PRELID2: variants seen among roughly 807,000 people sequenced by gnomAD.
The protein encoded by PRELID2 is PRELI domain-containing protein 2.
PRELID2 carries 25 observed loss-of-function variants against 28.4 expected under a neutral mutation model. The ratio of observed to expected loss-of-function variants is 0.88; its 90% CI spans 0.64 to 1.23. The LOEUF is 1.23. Ranked by LOEUF, PRELID2 falls within the 50% of genes most tolerant of loss-of-function variation. PRELID2 has a pLI of 0.00. For missense variants in PRELID2, 201 were observed against 214.4 expected, an observed-to-expected ratio of 0.94 and a Z score of 0.39; for synonymous variants, 76 against 71.6, an observed-to-expected ratio of 1.06 and a Z score of -0.31.
intron 1 of PRELID2, among the ~76,000 whole-genome samples, chr5:145,726,906 T>A (rs1756183614): frequency 6.6e-6 from 1 of 152,164 alleles, no homozygotes; most frequent in Non-Finnish European, 1.5e-5. Flanking sequence ...AATTATAACA[T>A]TTCATTGTGG....
chr5:145,813,808 A>G (rs963649180), intron 4 of PRELID2, among the ~76,000 whole-genome samples: 1 of 152,250 alleles, frequency 6.6e-6, no homozygotes, highest in African/African-American at 2.4e-5. Context: ...TAACTGGTCA[A>G]ACCTTCTTAT....
chr5:145,720,370 A>T (rs916466638), intron 1 of PRELID2, among the ~76,000 whole-genome samples: 1 of 151,874 alleles, frequency 6.6e-6, no homozygotes, highest in African/African-American at 2.4e-5. Context: ...AGGGAAAAAA[A>T]AATCTTACAA....
At chr5:145,495,719 T>TATAA (rs951524961) in intron 1 of PRELID2, among the ~76,000 whole-genome samples, 3 of 152,254 alleles carry the variant, frequency 2.0e-5, no homozygotes, top group South Asian at 2.1e-4. Context: ...CAGTGATTTA[T>TATAA]ATAAAGCATT....
At chr5:145,257,478 G>T in the PRELID2 span, among the ~76,000 whole-genome samples, 6 of 152,142 alleles carry the variant, frequency 3.9e-5, no homozygotes, top group South Asian at 6.2e-4. Flanking sequence ...CAAAAAGTAG[G>T]TAGGACTTAT....
chr5:145,775,289 G>C (rs1340748875), intron 5 of PRELID2, among the ~76,000 whole-genome samples: 1 of 151,576 alleles, frequency 6.6e-6, no homozygotes, highest in Non-Finnish European at 1.5e-5. Context: ...CCTGATTTTT[G>C]TGACTCTGAG....
At chr5:145,263,523 TAAAAG>T in the PRELID2 span, among the ~76,000 whole-genome samples, 1 of 150,284 alleles carries the variant, frequency 6.7e-6, no homozygotes, top group Admixed American at 6.6e-5. Context: ...ACAAAAAAAT[TAAAAG>T]ATAAATGAAA....
At chr5:145,537,527 G>A (rs1185481752) in intron 1 of PRELID2, among the ~76,000 whole-genome samples, 1 of 151,860 alleles carries the variant, frequency 6.6e-6, no homozygotes, top group Admixed American at 6.6e-5. Flanking sequence ...ACAGGAACTA[G>A]GTAGTATCTT....
chr5:145,465,387 G>C, the PRELID2 span, among the ~76,000 whole-genome samples: 1 of 152,092 alleles, frequency 6.6e-6, no homozygotes, highest in Admixed American at 6.6e-5. Context: ...AATTAAATGC[G>C]TAAGAGTTGA....
At chr5:145,326,348 G>A in the PRELID2 span, among the ~76,000 whole-genome samples, 11 of 152,004 alleles carry the variant, frequency 7.2e-5, no homozygotes, top group Admixed American at 1.3e-4. Flanking sequence ...ATTGATCAAC[G>A]TGATTTCAAT....
At chr5:145,679,590 T>C (rs1303440336) in intron 1 of PRELID2, among the ~76,000 whole-genome samples, 1 of 152,136 alleles carries the variant, frequency 6.6e-6, no homozygotes, top group African/African-American at 2.4e-5. Flanking sequence ...CTTAGCACTA[T>C]GTCTGGCACA....
the PRELID2 span, among the ~76,000 whole-genome samples, chr5:145,367,380 G>A: frequency 1.4e-3 from 220 of 151,982 alleles, 1 homozygote; most frequent in African/African-American, 5.2e-3. Context: ...CTGCACAGAT[G>A]TACAGTCTCT....
chr5:145,321,010 T>A, the PRELID2 span, among the ~76,000 whole-genome samples: 1 of 152,208 alleles, frequency 6.6e-6, no homozygotes, highest in Non-Finnish European at 1.5e-5. Context: ...CCATTTTACA[T>A]ATGCAAAAAT....
chr5:145,495,389 G>T (rs759220862), intron 1 of PRELID2, among the ~76,000 whole-genome samples: 5 of 152,170 alleles, frequency 3.3e-5, no homozygotes, highest in Non-Finnish European at 5.9e-5. Context: ...AAAGGCAACA[G>T]AATTTTGCAT....
the PRELID2 span, among the ~76,000 whole-genome samples, chr5:145,263,284 C>G: frequency 2.0e-5 from 3 of 152,002 alleles, no homozygotes; most frequent in South Asian, 6.2e-4. Context: ...GGCATCAACA[C>G]AGTCAACATG....
intron 1 of PRELID2, among the ~76,000 whole-genome samples, chr5:145,545,117 TA>T (rs775933629): frequency 3.9e-5 from 6 of 152,180 alleles, no homozygotes; most frequent in Non-Finnish European, 8.8e-5. Context: ...CTGGGTCCTT[TA>T]CCTCAAAATG....
chr5:145,614,328 T>C (rs1160422426), intron 1 of PRELID2, among the ~76,000 whole-genome samples: 9 of 152,248 alleles, frequency 5.9e-5, no homozygotes, highest in Non-Finnish European at 1.2e-4. Flanking sequence ...ATATGGATTT[T>C]AGAATTGTGT....
rs148976724 is a variant in PRELID2 at position 145,766,045 on chromosome 5, T to G, written c.475-1045A>C. ...GCATCCTGTCCAGAAAAATTCTACC[T>G]TGGAAGAAAGAAGAAAGCATGAATT... On this transcript the variant is annotated intron_variant, in intron 5 of 6. Transcript: ENST00000683046. Among the ~76,000 whole-genome samples the G allele has an allele frequency of 2.9e-3, 437 of 152,266 alleles. 2 individuals are homozygous for G. Among genetic ancestry groups the G allele is most frequent in the African/African-American group, 9.7e-3 (403 of 41,534 alleles).
At chr5:145,469,332 A>G (rs1165484600), downstream of PRELID2, among the ~76,000 whole-genome samples, 1 of 152,128 alleles carries the variant, frequency 6.6e-6, no homozygotes, top group Non-Finnish European at 1.5e-5. Context: ...ATGTCTTTGC[A>G]GGTGCAACAA....
chr5:145,406,012 C>T, the PRELID2 span, among the ~76,000 whole-genome samples: 1 of 152,044 alleles, frequency 6.6e-6, no homozygotes, highest in African/African-American at 2.4e-5. Flanking sequence ...GCTGGTACCA[C>T]ACACTTTTAA....
Sources: gnomAD v4.1 joint callset for allele counts (sites outside exome capture counted in the v4.1 genomes callset) on GRCh38, gnomAD v4.1.1 for gene constraint, MANE v1.5 for transcripts, NCBI Gene and HGNC (gene_info 2026-07-23, HGNC 2026-07-21) for gene names.